The following SEPTIN6 variants were observed in gnomAD, a reference collection of about 807,000 sequenced individuals.
The protein encoded by SEPTIN6 is septin-6.
A neutral mutation model predicts 33.6 loss-of-function variants in SEPTIN6; 8 were observed. That is an observed-to-expected ratio of 0.24 (90% confidence interval 0.14 to 0.43). The LOEUF is 0.43. Ranked by LOEUF, SEPTIN6 falls within the 20% of genes least tolerant of loss-of-function variation. The probability of loss-of-function intolerance (pLI) is 1.00; values close to 1 mark genes in which losing one functional copy is unlikely to be tolerated. For missense variants in SEPTIN6, 250 were observed against 340.8 expected (o/e 0.73, Z 2.10); for synonymous variants, 131 against 140.0 (o/e 0.94, Z 0.45).
chrX:119,642,746 C>A (rs1314919801), intron 5 of SEPTIN6, among the ~76,000 whole-genome samples: 3 of 111,608 alleles, frequency 2.7e-5, no homozygotes, highest in African/African-American at 9.8e-5. Context: ...TCCTTCAGAG[C>A]AGAAGAACAC....
intron 8 of SEPTIN6, among the ~76,000 whole-genome samples, chrX:119,632,526 G>GA (rs1168772827): frequency 1.9e-5 from 2 of 106,055 alleles, no homozygotes; most frequent in African/African-American, 3.4e-5. Flanking sequence ...AAGTGAAACT[G>GA]AAAAAAAAAA....
chrX:119,669,188 T>C (rs1288915203), intron 2 of SEPTIN6, among the ~76,000 whole-genome samples: 1 of 113,388 alleles, frequency 8.8e-6, no homozygotes, highest in Admixed American at 9.3e-5. Flanking sequence ...AGGCCGACGC[T>C]GGAGTCCATG....
At chrX:119,623,826 G>A (rs924361835) in intron 10 of SEPTIN6, among the ~76,000 whole-genome samples, 17 of 111,754 alleles carry the variant, frequency 1.5e-4, no homozygotes, top group Admixed American at 3.8e-4. Context: ...GTGACAGAGT[G>A]AGACTCCGTC....
At chrX:119,632,258 C>G (rs1332488803) in intron 8 of SEPTIN6, among the ~76,000 whole-genome samples, 3 of 108,795 alleles carry the variant, frequency 2.8e-5, no homozygotes, top group African/African-American at 1.0e-4. Context: ...TACAGTGGCG[C>G]GATCTCGGCT....
chrX:119,688,602 G>C lies in SEPTIN6; in HGVS notation c.30+4474C>G, dbSNP rs577227308. Among the ~76,000 whole-genome samples the C allele has an allele frequency of 6.2e-4, 67 of 108,689 alleles. 2 individuals carry two copies. The South Asian group carries it at 0.026, about 42-fold the overall frequency. The allele number at this position is 108,689 out of a possible 115,157, so 94.4% of individuals were successfully genotyped here. A position where few individuals can be genotyped will look rare whatever the true frequency, so the allele number is the denominator to read the frequency against. On this transcript the variant is annotated intron_variant, in intron 1 of 10. Transcript: ENST00000394610. ...CACACCTGTAATCCCAGCTACTCGG[G>C]AGGCTGAGGCAGGATAATTTCTTGA...
At chrX:119,638,864 C>G (rs1187331344) in intron 6 of SEPTIN6, among the ~76,000 whole-genome samples, 1 of 112,320 alleles carries the variant, frequency 8.9e-6, no homozygotes, top group South Asian at 3.6e-4. Context: ...TCAAGCGGAA[C>G]AGTCAACTTA....
chrX:119,641,237 A>G (rs995978371), intron 5 of SEPTIN6, among the ~76,000 whole-genome samples: 7 of 111,218 alleles, frequency 6.3e-5, no homozygotes, highest in Non-Finnish European at 1.1e-4. Flanking sequence ...GAGCCCCAAG[A>G]CTAGGTCCAT....
rs973872329 is a variant in SEPTIN6 at position 119,617,728 on chromosome X, C to T, written c.*2365G>A. 7.7e-6 allele frequency: 6 copies of T among 782,025 alleles called. No individual in the cohort carries two copies. The Admixed American group carries it at 3.8e-4, about 50-fold the overall frequency. The allele number at this position is 782,025 out of a possible 1,213,427, so 64.4% of individuals were successfully genotyped here. A position where few individuals can be genotyped will look rare whatever the true frequency, so the allele number is the denominator to read the frequency against. The stretch of plus-strand genomic sequence containing the variant: ...ATGAAAATTAGTCTGGCTTCTGCCT[C>T]GAAACAGAAGTGGGACCTCGGTCAA... On this transcript the variant is annotated 3_prime_UTR_variant, in exon 11 of 11. Coordinates refer to ENST00000394610, the MANE Select transcript of SEPTIN6 (RefSeq NM_145799.4).
chrX:119,689,134 AT>A (rs750503758), intron 1 of SEPTIN6, among the ~76,000 whole-genome samples: 2 of 111,929 alleles, frequency 1.8e-5, no homozygotes, highest in African/African-American at 3.2e-5. Context: ...CACTACCTAG[AT>A]TGCCACTAGA....
intron 5 of SEPTIN6, among the ~76,000 whole-genome samples, chrX:119,647,106 G>C (rs2054272552): frequency 9.0e-6 from 1 of 110,722 alleles, no homozygotes; most frequent in East Asian, 2.8e-4. Flanking sequence ...GTGCATGCCT[G>C]TGGTCCCAGC....
At position 119,689,953 on chromosome X, in the gene SEPTIN6, A is replaced by G. The variant is rs771319194; in HGVS notation, c.30+3123T>C. ...ACCATGTTGGCCAGGCTGGTCTCGA[A>G]CTCCTGACCTCATGATCTGCCCACC... On this transcript the variant is annotated intron_variant, in intron 1 of 10. Transcript: ENST00000394610. 2.7e-5 allele frequency among the ~76,000 whole-genome samples: 3 copies of G among 109,606 alleles called. No homozygotes were observed. The South Asian group carries it at 1.2e-3, about 43-fold the overall frequency.
chrX:119,657,191 C>A lies in SEPTIN6; in HGVS notation c.342-4151G>T, dbSNP rs186360547. ...CCGAGATCGCACCACTGCACTCCAG[C>A]CTGGGCAACGGAGTGAGATTCCGTC... On this transcript the variant is annotated intron_variant, in intron 3 of 10. Coordinates refer to ENST00000394610, the MANE Select transcript of SEPTIN6 (RefSeq NM_145799.4). 3.3e-3 allele frequency among the ~76,000 whole-genome samples: 355 copies of A among 106,201 alleles called. 4 individuals are homozygous for A. Among genetic ancestry groups the A allele is most frequent in the African/African-American group, 0.012 (338 of 28,948 alleles). The allele number at this position is 106,201 out of a possible 115,157, so 92.2% of individuals were successfully genotyped here.
At chrX:119,675,031 A>AC (rs1466967825) in intron 2 of SEPTIN6, among the ~76,000 whole-genome samples, 4 of 100,413 alleles carry the variant, frequency 4.0e-5, no homozygotes, top group Admixed American at 3.2e-4. Flanking sequence ...ACATAGTGAG[A>AC]CCCCCATCTC....
intron 7 of SEPTIN6, among the ~76,000 whole-genome samples, chrX:119,635,903 G>A (rs1289694931): frequency 1.8e-5 from 2 of 111,810 alleles, no homozygotes; most frequent in African/African-American, 6.5e-5. Flanking sequence ...GAAGGAGCTG[G>A]CAGAGAAGGA....
intron 3 of SEPTIN6, among the ~76,000 whole-genome samples, chrX:119,658,264 GA>G (rs1569433461): frequency 8.9e-6 from 1 of 111,946 alleles, no homozygotes; most frequent in Non-Finnish European, 1.9e-5. Flanking sequence ...TTATTGGAGG[GA>G]GGGGGGCAGA....
chrX:119,616,848 A>C (rs2053672590), downstream of SEPTIN6: 1 of 1,080,561 alleles, frequency 9.3e-7, no homozygotes, highest in African/African-American at 1.9e-5. Flanking sequence ...GGTAGCACAG[A>C]TTGTAGTGTG....
chrX:119,675,718 C>T, intron 1 of SEPTIN6, 50 bp from the exon 2 acceptor site: 1 of 711,271 alleles, frequency 1.4e-6, no homozygotes, highest in Non-Finnish European at 1.9e-6. Flanking sequence ...TAAAAGCAGT[C>T]TGGGTCTCGC....
intron 4 of SEPTIN6, among the ~76,000 whole-genome samples, chrX:119,651,132 G>A (rs1249511737): frequency 9.0e-6 from 1 of 111,129 alleles, no homozygotes; most frequent in African/African-American, 3.3e-5. Context: ...CTCAGGCCCC[G>A]GACTCTAAAA....
At chrX:119,625,230 G>T in intron 10 of SEPTIN6, 105 bp downstream of exon 10, 1 of 553,192 alleles carries the variant, frequency 1.8e-6, no homozygotes, top group Non-Finnish European at 3.1e-6. Context: ...CTAGACCAAT[G>T]AAGCAGCTTC....
Sources: allele counts gnomAD v4.1 joint callset (sites outside exome capture counted in the v4.1 genomes callset), GRCh38; gene constraint gnomAD v4.1.1; transcripts MANE v1.5; gene names NCBI Gene and HGNC (gene_info 2026-07-23, HGNC 2026-07-21).